Variants in PDGFB observed in about 807,000 individuals in gnomAD.
PDGFB encodes platelet derived growth factor subunit B.
In PDGFB, 6 loss-of-function variants were observed where a neutral mutation model predicts 29.0. The ratio of observed to expected loss-of-function variants is 0.21; its 90% CI spans 0.11 to 0.41. PDGFB has a LOEUF of 0.41. Among genes scored for constraint, PDGFB ranks in the 10% least tolerant of loss-of-function variants. PDGFB has a pLI of 1.00. For missense variants in PDGFB, 299 were observed against 341.8 expected (o/e 0.87, Z 0.99); for synonymous variants, 144 against 140.8 (o/e 1.02, Z -0.16).
rs1197735866 is a variant in PDGFB at position 39,225,991 on chromosome 22, A to G, written c.602-144T>C. 8.3e-6 allele frequency: 7 copies of G among 843,448 alleles called. No individual in the cohort carries two copies. The African/African-American group carries it at 1.0e-4, about 12-fold the overall frequency. 52.2% of individuals were successfully genotyped at this position (843,448 alleles called of 1,614,324 possible). A position where few individuals can be genotyped will look rare whatever the true frequency, so the allele number is the denominator to read the frequency against. On this transcript the variant is annotated intron_variant, in intron 5 of 6. Transcript: ENST00000331163. ...ACCAGGGTCCTGGGTTTGGATCCCA[A>G]CTCCACTGCTCACCAGCTGTATGTG...
intron 5 of PDGFB, among the ~76,000 whole-genome samples, chr22:39,228,763 T>C (rs9607625): frequency 0.37 from 56,095 of 151,172 alleles, 10,936 homozygotes; most frequent in Middle Eastern, 0.49. Flanking sequence ...GTGGCATGTG[T>C]CTGTAATTCC....
chr22:39,243,274 T>TCTCTCTC lies in PDGFB; in HGVS notation c.63+626_63+627insGAGAGAG, dbSNP rs1932615384. Among the ~76,000 whole-genome samples, 1 of 60,806 alleles carries TCTCTCTC rather than the reference T, an allele frequency of 1.6e-5. No homozygotes were observed. Among genetic ancestry groups the TCTCTCTC allele is most frequent in the African/African-American group, 4.0e-5 (1 of 24,794 alleles). 39.9% of individuals were successfully genotyped at this position (60,806 alleles called of 152,430 possible). ...TCCGTCTCTCTCTCTCTCTCTCTCT[T>TCTCTCTC]TCTCTCTCTCTCTCTCTCTCTCCCT... On this transcript the variant is annotated intron_variant, in intron 1 of 6. Transcript: ENST00000331163. The surrounding 1 kb of genome is among the most constrained non-coding windows in gnomAD (Gnocchi z 6.4).
chr22:39,225,904 C>A, intron 5 of PDGFB, 57 bp from the exon 6 acceptor site: 1 of 1,563,074 alleles, frequency 6.4e-7, no homozygotes. Flanking sequence ...AGGTCTCTCC[C>A]CACTGACCAA....
chr22:39,230,014 T>C, intron 5 of PDGFB, 70 bp downstream of exon 5: 1 of 1,548,782 alleles, frequency 6.5e-7, no homozygotes. Flanking sequence ...TTTCCATTTT[T>C]AAGACCGGCC....
chr22:39,230,885 T>C (rs554921406), intron 4 of PDGFB, among the ~76,000 whole-genome samples: 18 of 152,354 alleles, frequency 1.2e-4, no homozygotes, highest in African/African-American at 3.8e-4. Context: ...GAGGCTGGCC[T>C]GGGGCGTGCA....
chr22:39,239,440 G>C (rs1287363286), intron 1 of PDGFB, among the ~76,000 whole-genome samples: 1 of 152,200 alleles, frequency 6.6e-6, no homozygotes, highest in Non-Finnish European at 1.5e-5. Context: ...CACGTGCTCA[G>C]CTCCAGGATG....
chr22:39,230,086 C>T lies in PDGFB; in HGVS notation c.599G>A (p.Arg200Gln), dbSNP rs748590340. ...GCTGAGCCTGGAAAGGTGGTTACCT[C>T]GCTGCTCCTGGGAACCCCCCGGGCT... ...TRSPGGSQEQ[R>Q]AKTPQTRVTI... The change falls in exon 5 of 7, where the codon CGA (arginine) becomes CAA (glutamine). Residue 200 changes from arginine to glutamine, a missense_variant and splice_region_variant. Transcript: ENST00000331163. 2.7e-5 allele frequency: 43 copies of T among 1,613,558 alleles called. No homozygotes were observed. In the Admixed American group the frequency reaches 4.3e-4, roughly 16 times the overall value.
rs576916982 is a variant in PDGFB at position 39,232,737 on chromosome 22, C to G, written c.250+698G>C. Among the ~76,000 whole-genome samples, 288 of 152,322 alleles carry G rather than the reference C, an allele frequency of 1.9e-3. 2 individuals are homozygous for G. The highest frequency in any genetic ancestry group is 6.7e-3 in the African/African-American group (278 of 41,578). On this transcript the variant is annotated intron_variant, in intron 3 of 6. Transcript: ENST00000331163. Reference sequence around the variant, plus strand: ...TCTCTTGACCTCGTGATCTGCCTGCCTCAGCCTCCCAAAGTGCTAGGATTA... The same window carrying G: ...TCTCTTGACCTCGTGATCTGCCTGCGTCAGCCTCCCAAAGTGCTAGGATTA...
intron 1 of PDGFB, chr22:39,240,935 A>T: frequency 7.2e-7 from 1 of 1,389,220 alleles, no homozygotes. Context: ...ACACACACAC[A>T]CACACACTCT....
At chr22:39,241,839 C>T (rs530421847) in intron 1 of PDGFB, among the ~76,000 whole-genome samples, 2 of 152,136 alleles carry the variant, frequency 1.3e-5, no homozygotes, top group African/African-American at 4.8e-5. Flanking sequence ...CCATTTTCCA[C>T]CACGCGGAGG....
Position 39,243,806 on chromosome 22 carries a change from G to T in PDGFB, c.63+95C>A. On this transcript the variant is annotated intron_variant, in intron 1 of 6. Coordinates refer to ENST00000331163, the MANE Select transcript of PDGFB (RefSeq NM_002608.4). The surrounding 1 kb of genome is among the most constrained non-coding windows in gnomAD (Gnocchi z 6.4). ...GGCGTCAGGCTCGCGGGCTGCAAGGGTCCAAAGTTCACTGCAGGGAGAGGA... is the reference window on the plus strand; with the variant it reads ...GGCGTCAGGCTCGCGGGCTGCAAGGTTCCAAAGTTCACTGCAGGGAGAGGA... 1 of 1,038,960 alleles carries T rather than the reference G, an allele frequency of 9.6e-7. No individual in the cohort carries two copies. Among genetic ancestry groups the T allele is most frequent in the Non-Finnish European group, 1.4e-6 (1 of 704,550 alleles). The allele number at this position is 1,038,960 out of a possible 1,614,324, so 64.4% of individuals were successfully genotyped here. A position where few individuals can be genotyped will look rare whatever the true frequency, so the allele number is the denominator to read the frequency against.
At position 39,223,457 on chromosome 22, in the gene PDGFB, C is replaced by G. The variant is rs1932090613; in HGVS notation, c.*1885G>C. On this transcript the variant is annotated 3_prime_UTR_variant, in exon 7 of 7. Transcript: ENST00000331163. Reference sequence around the variant, plus strand: ...GACCAACAGAGTAGCCTGTGTGTCTCTTCTTCCCGCCAGACAGAGGCCTCC... The same window carrying G: ...GACCAACAGAGTAGCCTGTGTGTCTGTTCTTCCCGCCAGACAGAGGCCTCC... 6.6e-6 allele frequency: 1 copy of G among 152,322 alleles called. No homozygotes were observed. Among genetic ancestry groups the G allele is most frequent in the Non-Finnish European group, 1.5e-5 (1 of 68,102 alleles). 9.4% of individuals were successfully genotyped at this position (152,322 alleles called of 1,614,324 possible).
chr22:39,228,886 C>CAAAAAAA (rs34953400), intron 5 of PDGFB, among the ~76,000 whole-genome samples: 6 of 72,464 alleles, frequency 8.3e-5, no homozygotes, highest in Non-Finnish European at 1.2e-4. Context: ...GAGACTGCCT[C>CAAAAAAA]AAAAAAAATA....
At position 39,233,517 on chromosome 22, in the gene PDGFB, A is replaced by C. The variant is rs752580531; in HGVS notation, c.168T>G (p.Asp56Glu). The change falls in exon 3 of 7, where the codon GAT (aspartate) becomes GAG (glutamate). Residue 56 changes from aspartate to glutamate, a missense_variant. Transcript: ENST00000331163. ...TCATGTTCAGGTCCAACTCGGCCCC[A>C]TCTTCCTCTGCAGGAGAAGTCACAG... ...RLLHGDPGEE[D>E]GAELDLNMTR... is the part of the protein sequence containing the mutation. 6.3e-7 allele frequency: 1 copy of C among 1,587,386 alleles called. No homozygotes were observed. Among genetic ancestry groups the C allele is most frequent in the Non-Finnish European group, 8.6e-7 (1 of 1,168,822 alleles).
chr22:39,231,587 G>A lies in PDGFB; in HGVS notation c.456+35C>T, dbSNP rs769523755. On this transcript the variant is annotated intron_variant, in intron 4 of 6. Transcript: ENST00000331163. This position sits in a 1 kb window ranked among gnomAD's most constrained non-coding sequence, Gnocchi z 4.3. ...AGAAGGGTGGTCTCCACCCACCACC[G>A]GGACCAGCCTCGGGGGGCCGCGGAG... The A allele has an allele frequency of 1.0e-5, 15 of 1,487,110 alleles. No homozygotes were observed. Among genetic ancestry groups the A allele is most frequent in the African/African-American group, 5.5e-5 (4 of 72,076 alleles). 92.1% of individuals were successfully genotyped at this position (1,487,110 alleles called of 1,614,324 possible).
intron 5 of PDGFB, 45 bp downstream of exon 5, chr22:39,230,039 C>A: frequency 6.3e-7 from 1 of 1,598,510 alleles, no homozygotes; most frequent in Non-Finnish European, 8.5e-7. Flanking sequence ...CCCCCAGCTG[C>A]TGCAGGGGAA....
rs1932166762 is a variant in PDGFB at position 39,226,427 on chromosome 22, C to G, written c.602-580G>C. Among the ~76,000 whole-genome samples, 4 of 152,114 alleles carry G rather than the reference C, an allele frequency of 2.6e-5. No individual in the cohort carries two copies. In the South Asian group the frequency reaches 8.3e-4, roughly 32 times the overall value. On this transcript the variant is annotated intron_variant, in intron 5 of 6. Coordinates refer to ENST00000331163, the MANE Select transcript of PDGFB (RefSeq NM_002608.4). ...TGGAGAGGCCTGGTGGGGACTGGCT[C>G]TCCCCGTAGAGCCAGAGGCCCTGGA...
At chr22:39,226,619 TG>T (rs1358029388) in intron 5 of PDGFB, among the ~76,000 whole-genome samples, 1 of 152,228 alleles carries the variant, frequency 6.6e-6, no homozygotes, top group Admixed American at 6.5e-5. Context: ...AAGTATGAAG[TG>T]GTCAGCACAT....
intron 4 of PDGFB, among the ~76,000 whole-genome samples, chr22:39,230,456 C>T (rs1932272564): frequency 6.6e-6 from 1 of 152,262 alleles, no homozygotes; most frequent in Non-Finnish European, 1.5e-5. Context: ...CCTGGGGCCC[C>T]CCTCAGTGCC....
Sources: gnomAD v4.1 joint callset for allele counts (sites outside exome capture counted in the v4.1 genomes callset) on GRCh38, gnomAD v4.1.1 for gene constraint, Gnocchi (gnomAD v3.1) non-coding constraint, MANE v1.5 for transcripts, NCBI Gene and HGNC (gene_info 2026-07-23, HGNC 2026-07-21) for gene names.